Variants in FZD3 observed in about 807,000 individuals in gnomAD.
FZD3 encodes the protein frizzled-3.
In FZD3, 30 loss-of-function variants were observed where a neutral mutation model predicts 60.7. The ratio of observed to expected loss-of-function variants is 0.49; its 90% CI spans 0.37 to 0.67. The LOEUF (loss-of-function observed/expected upper bound fraction) is 0.67, where lower values mean the gene tolerates loss of function less well. Among genes scored for constraint, FZD3 ranks in the 30% least tolerant of loss-of-function variants. The pLI, the probability that FZD3 is intolerant of heterozygous loss-of-function variation, is 0.00. For synonymous variants in FZD3, 246 were observed against 275.2 expected (o/e 0.89, Z 1.05); for missense variants, 605 against 838.7 (o/e 0.72, Z 3.44).
At chr8:28,500,100 T>C (rs1476630674) in intron 2 of FZD3, 122 bp downstream of exon 2, 1 of 152,202 alleles carries the variant, frequency 6.6e-6, no homozygotes, top group Non-Finnish European at 1.5e-5. Flanking sequence ...TTAACACCTA[T>C]ACTTTACCTG....
chr8:28,501,760 A>G (rs1804000343), intron 2 of FZD3, among the ~76,000 whole-genome samples: 2 of 152,210 alleles, frequency 1.3e-5, no homozygotes, highest in Admixed American at 1.3e-4. Context: ...AATAACTGGG[A>G]ATTATTCTTA....
intron 2 of FZD3, among the ~76,000 whole-genome samples, chr8:28,501,713 T>TG (rs1389019195): frequency 2.6e-5 from 4 of 152,210 alleles, no homozygotes; most frequent in Non-Finnish European, 5.9e-5. Context: ...CCTGGAAAAG[T>TG]ACATACAAGT....
chr8:28,539,299 C>T (rs1368710470), intron 5 of FZD3, among the ~76,000 whole-genome samples: 1 of 152,174 alleles, frequency 6.6e-6, no homozygotes, highest in Admixed American at 6.5e-5. Flanking sequence ...ATCTAGGTTG[C>T]ATGCACCATT....
At chr8:28,500,962 A>G (rs983501960) in intron 2 of FZD3, among the ~76,000 whole-genome samples, 1 of 152,058 alleles carries the variant, frequency 6.6e-6, no homozygotes, top group Non-Finnish European at 1.5e-5. Flanking sequence ...GGGTTTCACT[A>G]TGTTGGCCAG....
intron 3 of FZD3, among the ~76,000 whole-genome samples, chr8:28,504,657 G>C (rs566575628): frequency 6.6e-6 from 1 of 152,182 alleles, no homozygotes; most frequent in Non-Finnish European, 1.5e-5. Flanking sequence ...TTGAAGGGCT[G>C]TTAGGATTAA....
At chr8:28,544,693 C>T (rs1054781877) in intron 5 of FZD3, among the ~76,000 whole-genome samples, 2 of 152,146 alleles carry the variant, frequency 1.3e-5, no homozygotes, top group African/African-American at 2.4e-5. Flanking sequence ...AAAACATACT[C>T]AGAGTAAAAG....
chr8:28,512,340 G>A (rs980910725), intron 3 of FZD3, among the ~76,000 whole-genome samples: 1 of 152,042 alleles, frequency 6.6e-6, no homozygotes, highest in African/African-American at 2.4e-5. Context: ...ATAAAGTAAG[G>A]TAGATAGCAA....
At chr8:28,496,807 G>A (rs1362920776) in intron 1 of FZD3, among the ~76,000 whole-genome samples, 1 of 152,168 alleles carries the variant, frequency 6.6e-6, no homozygotes, top group East Asian at 1.9e-4. Flanking sequence ...ATGTAACTAG[G>A]CTATTGGGCC....
At chr8:28,546,772 G>A (rs933134367) in intron 5 of FZD3, among the ~76,000 whole-genome samples, 2 of 152,002 alleles carry the variant, frequency 1.3e-5, no homozygotes, top group African/African-American at 2.4e-5. Flanking sequence ...TCAGGAGATC[G>A]AGACCATCCT....
intron 3 of FZD3, among the ~76,000 whole-genome samples, chr8:28,517,169 A>T (rs757931214): frequency 6.6e-6 from 1 of 152,192 alleles, no homozygotes; most frequent in East Asian, 1.9e-4. Flanking sequence ...TTTTTTGTCT[A>T]TCTAAAAGTA....
At chr8:28,507,692 T>A (rs890851405) in intron 3 of FZD3, among the ~76,000 whole-genome samples, 1 of 152,204 alleles carries the variant, frequency 6.6e-6, no homozygotes, top group Admixed American at 6.5e-5. Context: ...CCGTTATTAG[T>A]TTTTAGAATA....
At chr8:28,519,296 G>A (rs1804510555) in intron 3 of FZD3, among the ~76,000 whole-genome samples, 2 of 152,062 alleles carry the variant, frequency 1.3e-5, no homozygotes, top group Admixed American at 1.3e-4. Context: ...GCACATCCTT[G>A]GGATATTTTA....
In FZD3 at chr8:28,574,090, C is replaced by G. The variant is rs1304611698; in HGVS notation, c.*11079C>G. 6.6e-6 allele frequency: 1 copy of G among 152,156 alleles called. No individual in the cohort carries two copies. The highest frequency in any genetic ancestry group is 2.4e-5 in the African/African-American group (1 of 41,448). 9.4% of individuals were successfully genotyped at this position (152,156 alleles called of 1,614,324 possible). On this transcript the variant is annotated 3_prime_UTR_variant, in exon 8 of 8. Transcript: ENST00000240093. ...TGGGAATTTCACATTCTCTGATGTG[C>G]TTTGCACTCTGCTCTTGTAGATTTA...
chr8:28,525,848 T>TG (rs1467781471), intron 4 of FZD3, among the ~76,000 whole-genome samples: 1 of 151,936 alleles, frequency 6.6e-6, no homozygotes, highest in African/African-American at 2.4e-5. Context: ...GGGGAGGAAA[T>TG]GAGAAGAGTT....
chr8:28,534,237 G>T (rs948471403), intron 5 of FZD3, among the ~76,000 whole-genome samples: 2 of 152,146 alleles, frequency 1.3e-5, no homozygotes, highest in African/African-American at 2.4e-5. Context: ...CACACATTAT[G>T]TATACGTTCT....
At chr8:28,503,340 G>C (rs375960142) in intron 3 of FZD3, 138 bp downstream of exon 3, 5 of 509,606 alleles carry the variant, frequency 9.8e-6, no homozygotes, top group Middle Eastern at 5.1e-4. Flanking sequence ...ATTTAAAAAT[G>C]TATATGTTTT....
rs551286422 is a variant in FZD3 at position 28,567,174 on chromosome 8, G to A, written c.*4163G>A. On this transcript the variant is annotated 3_prime_UTR_variant, in exon 8 of 8. Transcript: ENST00000240093. ...TTTTAATTTTTTTTTCTTTTTTTGA[G>A]ACGGAGTCTGGCTTTGTTGCCCAGG... The A allele has an allele frequency of 6.6e-6, 1 of 152,254 alleles. No individual in the cohort carries two copies. The highest frequency in any genetic ancestry group is 1.5e-5 in the Non-Finnish European group (1 of 68,338). 9.4% of individuals were successfully genotyped at this position (152,254 alleles called of 1,614,324 possible).
rs1805638572 is a variant in FZD3, at chr8:28,562,833, G to T, written c.1823G>T (p.Arg608Ile). The T allele has an allele frequency of 6.2e-7, 1 of 1,612,872 alleles. No homozygotes were observed. The highest frequency in any genetic ancestry group is 8.5e-7 in the Non-Finnish European group (1 of 1,179,306). Residue 608 changes from arginine (R) to isoleucine (I), a missense_variant, in exon 8 of 8, where the codon AGA (arginine) becomes ATA (isoleucine). Transcript: ENST00000240093. ...TPCSYRGMEERLPHGSMSRLT... is the reference protein window; with the variant it reads ...TPCSYRGMEEILPHGSMSRLT... ...TGCAGTTACAGAGGAATGGAGGAGA[G>T]ACTACCTCATGGCAGCATGTCACGA...
Position 28,527,286 on chromosome 8 carries a change from G to A in FZD3, c.526G>A (p.Gly176Ser). Residue 176 changes from glycine (G) to serine (S), a missense_variant, in exon 5 of 8, where the codon GGT becomes AGT. By Grantham distance (56) the Gly-to-Ser change is moderately conservative. Coordinates refer to ENST00000240093, the MANE Select transcript of FZD3 (RefSeq NM_017412.4). The surrounding 1 kb of genome is among the most constrained non-coding windows in gnomAD (Gnocchi z 5.0). ...PRELKIDPDL[G>S]YSFLHVRDCS... ...AGAGTTAAAAATTGATCCTGATCTG[G>A]GTTATTCTTTTCTGCATGTGCGTGA... The A allele has an allele frequency of 6.2e-7, 1 of 1,613,888 alleles. No individual in the cohort carries two copies. The highest frequency in any genetic ancestry group is 8.5e-7 in the Non-Finnish European group (1 of 1,179,926).
Sources: allele counts gnomAD v4.1 joint callset (sites outside exome capture counted in the v4.1 genomes callset), GRCh38; gene constraint gnomAD v4.1.1; non-coding constraint Gnocchi (gnomAD v3.1); transcripts MANE v1.5; gene names NCBI Gene and HGNC (gene_info 2026-07-23, HGNC 2026-07-21).